The following TMPRSS6 variants were observed in gnomAD, a reference collection of about 807,000 sequenced individuals.
The protein encoded by TMPRSS6 is transmembrane serine protease 6.
In TMPRSS6, 67 loss-of-function variants were observed where a neutral mutation model predicts 101.5. The observed-to-expected ratio is 0.66, with a 90% CI of 0.54 to 0.81. TMPRSS6 has a LOEUF of 0.81. TMPRSS6 is among the 30% of genes least tolerant of loss of function. The pLI, the probability that TMPRSS6 is intolerant of heterozygous loss-of-function variation, is 0.00. For missense variants in TMPRSS6, 1,034 were observed against 1,088.7 expected, an observed-to-expected ratio of 0.95 and a Z score of 0.71; for synonymous variants, 453 against 464.9, an observed-to-expected ratio of 0.97 and a Z score of 0.33.
intron 6 of TMPRSS6, among the ~76,000 whole-genome samples, chr22:37,093,318 A>C (rs1192083521): frequency 6.6e-6 from 1 of 151,282 alleles, no homozygotes; most frequent in African/African-American, 2.4e-5. Context: ...AGGCTATTAC[A>C]TAGCACTTCT....
intron 1 of TMPRSS6, among the ~76,000 whole-genome samples, chr22:37,105,299 G>C (rs1272266677): frequency 2.6e-5 from 4 of 152,256 alleles, no homozygotes; most frequent in African/African-American, 9.6e-5. Flanking sequence ...GGACATTCCT[G>C]CATGTGGAGT....
At chr22:37,108,931 C>G (rs540001285) in intron 1 of TMPRSS6, among the ~76,000 whole-genome samples, 1 of 152,242 alleles carries the variant, frequency 6.6e-6, no homozygotes, top group Admixed American at 6.5e-5. Context: ...CACAGACCCA[C>G]AGATGTACAC....
Position 37,089,620 on chromosome 22 carries a change from A to G in TMPRSS6, c.794T>C (p.Met265Thr). The G allele has an allele frequency of 6.2e-7, 1 of 1,611,902 alleles. No homozygotes were observed. Residue 265 changes from methionine (M) to threonine (T), a missense_variant, in exon 7 of 18, where the codon ATG becomes ACG. Transcript: ENST00000676104. ...TLAECRDRLA[M>T]YDVAGPLEKR... ...CTCCAGGGGCCCGGCCACGTCATAC[A>G]TGGCCAGTCGGTCCCGGCACTCTGC...
intron 8 of TMPRSS6, 56 bp downstream of exon 8, chr22:37,086,227 G>T: frequency 1.9e-6 from 3 of 1,612,050 alleles, no homozygotes; most frequent in Non-Finnish European, 2.5e-6. Context: ...CCCAGTGGAG[G>T]GCCCTTGGAT....
At chr22:37,096,988 C>G (rs577157585) in intron 3 of TMPRSS6, among the ~76,000 whole-genome samples, 1 of 152,212 alleles carries the variant, frequency 6.6e-6, no homozygotes, top group African/African-American at 2.4e-5. Context: ...CCAAAAGTCA[C>G]TCCTCAACTC....
At chr22:37,089,544 G>GGCCCCCCAA in intron 7 of TMPRSS6, 34 bp downstream of exon 7, 1 of 1,348,856 alleles carries the variant, frequency 7.4e-7, no homozygotes, top group Non-Finnish European at 1.0e-6. Context: ...CCCTTTTCCA[G>GGCCCCCCAA]CCCTCCCTCC....
intron 17 of TMPRSS6, 127 bp downstream of exon 17, chr22:37,066,698 TG>T: frequency 8.0e-7 from 1 of 1,245,704 alleles, no homozygotes; most frequent in Non-Finnish European, 1.2e-6. Context: ...AAAGTAGGGG[TG>T]GCCATCACCA....
chr22:37,089,685 G>C lies in TMPRSS6; in HGVS notation c.729C>G (p.Pro243=). 6.2e-7 allele frequency: 1 copy of C among 1,612,062 alleles called. No individual in the cohort carries two copies. Among genetic ancestry groups the C allele is most frequent in the Non-Finnish European group, 8.5e-7 (1 of 1,179,194 alleles). Residue 243 remains proline (P), a synonymous_variant, in exon 7 of 18, where the codon CCC becomes CCG. Transcript: ENST00000676104. ...GCCGGAGTTTGAGCATGAGGTCCTT[G>C]GGGCCCTGCAGGTGCCACAGGCAGC... ...ASSCLWHLQG[P]KDLMLKLRLE...
At chr22:37,071,417 T>G (rs1926892481) in intron 13 of TMPRSS6, among the ~76,000 whole-genome samples, 1 of 152,234 alleles carries the variant, frequency 6.6e-6, no homozygotes. Flanking sequence ...CTCCCTGCTC[T>G]TCACTGTAAA....
At position 37,103,804 on chromosome 22, in the gene TMPRSS6, C is replaced by T; in HGVS notation, c.-1-386G>A. 1.7e-6 allele frequency: 1 copy of T among 590,082 alleles called. No individual in the cohort carries two copies. The highest frequency in any genetic ancestry group is 3.0e-6 in the Non-Finnish European group (1 of 330,686). The allele number at this position is 590,082 out of a possible 1,614,324, so 36.6% of individuals were successfully genotyped here. A position where few individuals can be genotyped will look rare whatever the true frequency, so the allele number is the denominator to read the frequency against. On this transcript the variant is annotated intron_variant, in intron 1 of 17. Transcript: ENST00000676104. This position sits in a 1 kb window ranked among gnomAD's most constrained non-coding sequence, Gnocchi z 4.4. ...TTCTGTAGACATCTGACCTCTTGCCCTCATTTCCCGTCCACGCAAGGAATG... is the reference window on the plus strand; with the variant it reads ...TTCTGTAGACATCTGACCTCTTGCCTTCATTTCCCGTCCACGCAAGGAATG...
chr22:37,072,991 G>C (rs532626929), intron 13 of TMPRSS6, among the ~76,000 whole-genome samples: 136 of 149,384 alleles, frequency 9.1e-4, no homozygotes, highest in African/African-American at 3.0e-3. Flanking sequence ...TGGATGGATA[G>C]ATGGATGATG....
rs228908 is a variant in TMPRSS6 at position 37,101,803 on chromosome 22, T to C, written c.202+1413A>G. On this transcript the variant is annotated intron_variant, in intron 2 of 17. Transcript: ENST00000676104. This position sits in a 1 kb window ranked among gnomAD's most constrained non-coding sequence, Gnocchi z 4.1. ...GAGAAATAATTGGCAGGTGAGTTCC[T>C]GGCCCTCCAGCCCAGTGCCCCGTGG... Among the ~76,000 whole-genome samples the C allele has an allele frequency of 0.07, 10,700 of 152,200 alleles. 1,275 individuals are homozygous for C. Among genetic ancestry groups the C allele is most frequent in the African/African-American group, 0.24 (10,145 of 41,460 alleles).
chr22:37,065,973 C>T lies in TMPRSS6; in HGVS notation c.*107G>A, dbSNP rs1311410498. On this transcript the variant is annotated 3_prime_UTR_variant, in exon 18 of 18. Transcript: ENST00000676104. ...ATGCCACCTCCTGCCACCACAGGGCCTGCTCTCTCCCCCACCCCCCGCCAG... is the reference window on the plus strand; with the variant it reads ...ATGCCACCTCCTGCCACCACAGGGCTTGCTCTCTCCCCCACCCCCCGCCAG... 6.8e-7 allele frequency: 1 copy of T among 1,468,568 alleles called. No homozygotes were observed. Among genetic ancestry groups the T allele is most frequent in the Non-Finnish European group, 9.4e-7 (1 of 1,058,684 alleles). The allele number at this position is 1,468,568 out of a possible 1,614,324, so 91.0% of individuals were successfully genotyped here. A position where few individuals can be genotyped will look rare whatever the true frequency, so the allele number is the denominator to read the frequency against.
At chr22:37,085,971 C>A (rs114016505) in intron 8 of TMPRSS6, among the ~76,000 whole-genome samples, 1 of 151,248 alleles carries the variant, frequency 6.6e-6, no homozygotes, top group Non-Finnish European at 1.5e-5. Context: ...GGAGGAGAGG[C>A]GGTCAGCACA....
intron 10 of TMPRSS6, among the ~76,000 whole-genome samples, chr22:37,081,238 G>A (rs1033016075): frequency 3.9e-5 from 6 of 152,364 alleles, no homozygotes; most frequent in East Asian, 1.9e-4. Context: ...CTAAGCCCGC[G>A]TGTGCAATGT....
chr22:37,073,782 T>A, intron 12 of TMPRSS6, 137 bp from the exon 13 acceptor site: 5 of 713,408 alleles, frequency 7.0e-6, no homozygotes, highest in South Asian at 5.8e-5. Context: ...TATTTTTATG[T>A]CTCGCTCTTG....
intron 7 of TMPRSS6, among the ~76,000 whole-genome samples, chr22:37,087,461 G>A (rs996555957): frequency 7.2e-5 from 11 of 152,216 alleles, no homozygotes; most frequent in African/African-American, 2.7e-4. Context: ...CAGCCAGCTG[G>A]AGGCATGGTG....
Position 37,101,986 on chromosome 22 carries a change from C to T in TMPRSS6, c.202+1230G>A, listed in dbSNP as rs17750152. Among the ~76,000 whole-genome samples the T allele has an allele frequency of 0.25, 38,258 of 152,100 alleles. 5,266 individuals are homozygous for T. Among genetic ancestry groups the T allele is most frequent in the Non-Finnish European group, 0.31 (20,761 of 67,968 alleles). Reference sequence around the variant, plus strand: ...ATCACTATAAGTCATTGCAAGCAGGCCCGTGTCAGACCTGGGGTTCCCAAT... The same window carrying T: ...ATCACTATAAGTCATTGCAAGCAGGTCCGTGTCAGACCTGGGGTTCCCAAT... On this transcript the variant is annotated intron_variant, in intron 2 of 17. Coordinates refer to ENST00000676104, the MANE Select transcript of TMPRSS6 (RefSeq NM_001374504.1). The surrounding 1 kb of genome is among the most constrained non-coding windows in gnomAD (Gnocchi z 4.1).
chr22:37,089,636 G>A lies in TMPRSS6; in HGVS notation c.778C>T (p.Arg260Trp), dbSNP rs1013903479. Reference protein sequence around the residue: ...LRLEWTLAECRDRLAMYDVAG... With the variant: ...LRLEWTLAECWDRLAMYDVAG... ...ACGTCATACATGGCCAGTCGGTCCC[G>A]GCACTCTGCCAGCGTCCACTCCAGC... Residue 260 changes from arginine to tryptophan, a missense_variant, in exon 7 of 18, where the codon CGG becomes TGG. Transcript: ENST00000676104. The A allele has an allele frequency of 1.0e-5, 16 of 1,526,952 alleles. No individual in the cohort carries two copies. The highest frequency in any genetic ancestry group is 2.2e-5 in the South Asian group (2 of 89,608). 94.6% of individuals were successfully genotyped at this position (1,526,952 alleles called of 1,614,324 possible).
Sources: gnomAD v4.1 joint callset for allele counts (sites outside exome capture counted in the v4.1 genomes callset) on GRCh38, gnomAD v4.1.1 for gene constraint, Gnocchi (gnomAD v3.1) non-coding constraint, MANE v1.5 for transcripts, NCBI Gene and HGNC (gene_info 2026-07-23, HGNC 2026-07-21) for gene names.